Variants in ZNF804B observed in about 807,000 individuals in gnomAD.
The protein encoded by ZNF804B is zinc finger protein 804B.
ZNF804B carries 80 observed loss-of-function variants against 101.4 expected under a neutral mutation model. The ratio of observed to expected loss-of-function variants is 0.79; its 90% confidence interval spans 0.66 to 0.95. The LOEUF is 0.95. ZNF804B is among the 40% of genes least tolerant of loss of function. The pLI is 0.00. For missense variants in ZNF804B, 1,673 were observed against 1,561.9 expected, an observed-to-expected ratio of 1.07 and a Z score of -1.20; for synonymous variants, 622 against 558.8, an observed-to-expected ratio of 1.11 and a Z score of -1.59.
At chr7:88,783,850 G>A (rs982234048) in intron 1 of ZNF804B, among the ~76,000 whole-genome samples, 2 of 152,056 alleles carry the variant, frequency 1.3e-5, no homozygotes, top group Admixed American at 6.6e-5. Context: ...GGCCCCTTGG[G>A]TCATTTTGGT....
At chr7:88,814,447 AACACACACACACAC>A (rs66471769) in intron 1 of ZNF804B, among the ~76,000 whole-genome samples, 6,134 of 141,350 alleles carry the variant, frequency 0.043, 144 homozygotes, top group East Asian at 0.049. Context: ...CCTCCCTTCA[AACACACACACACAC>A]ACACACACAC....
At chr7:88,958,928 A>G (rs896625354) in intron 1 of ZNF804B, among the ~76,000 whole-genome samples, 9 of 151,506 alleles carry the variant, frequency 5.9e-5, no homozygotes, top group African/African-American at 2.2e-4. Flanking sequence ...TATAATTCCA[A>G]CTAAATCTCC....
intron 1 of ZNF804B, among the ~76,000 whole-genome samples, chr7:89,064,556 G>T (rs1789425797): frequency 6.6e-6 from 1 of 152,136 alleles, no homozygotes; most frequent in Admixed American, 6.6e-5. Context: ...TTGATGGATT[G>T]ATTGTTCCTT....
intron 1 of ZNF804B, among the ~76,000 whole-genome samples, chr7:88,920,042 C>T (rs183000643): frequency 6.6e-6 from 1 of 152,026 alleles, no homozygotes; most frequent in African/African-American, 2.4e-5. Flanking sequence ...AATTCAGGTA[C>T]AGTAAAGTAT....
At chr7:89,200,172 A>G (rs2115647047) in intron 1 of ZNF804B, among the ~76,000 whole-genome samples, 1 of 151,912 alleles carries the variant, frequency 6.6e-6, no homozygotes, top group African/African-American at 2.4e-5. Flanking sequence ...AGCTTGGATT[A>G]AAAGACTTTT....
intron 2 of ZNF804B, among the ~76,000 whole-genome samples, chr7:89,227,797 A>G (rs562709547): frequency 5.3e-5 from 8 of 152,338 alleles, no homozygotes; most frequent in Admixed American, 4.6e-4. Flanking sequence ...TAACACATTA[A>G]CAGTCTAGAA....
At chr7:89,019,425 A>G (rs996414086) in intron 1 of ZNF804B, among the ~76,000 whole-genome samples, 4 of 152,084 alleles carry the variant, frequency 2.6e-5, no homozygotes, top group African/African-American at 7.2e-5. Context: ...AGAATGTTCC[A>G]TACACTGATG....
At chr7:89,322,983 A>G (rs1030211790) in intron 2 of ZNF804B, among the ~76,000 whole-genome samples, 5 of 152,212 alleles carry the variant, frequency 3.3e-5, no homozygotes, top group African/African-American at 1.2e-4. Flanking sequence ...CTCAAACCCC[A>G]ATATAATAGT....
intron 1 of ZNF804B, among the ~76,000 whole-genome samples, chr7:88,959,883 GC>G (rs1399836822): frequency 6.6e-6 from 1 of 151,232 alleles, no homozygotes; most frequent in Non-Finnish European, 1.5e-5. Context: ...TCCTTCTATG[GC>G]CCCAGTTTAT....
At chr7:88,991,803 T>C (rs940704645) in intron 1 of ZNF804B, among the ~76,000 whole-genome samples, 2 of 152,184 alleles carry the variant, frequency 1.3e-5, no homozygotes, top group African/African-American at 4.8e-5. Context: ...CAGAGCCTTG[T>C]ACCTCAACAT....
chr7:88,831,494 A>G (rs1791132355), intron 1 of ZNF804B, among the ~76,000 whole-genome samples: 1 of 126,732 alleles, frequency 7.9e-6, no homozygotes. Context: ...CCTAAAGATA[A>G]ATTTTGAGAA....
chr7:89,074,667 A>G (rs1481235677), intron 1 of ZNF804B, among the ~76,000 whole-genome samples: 1 of 152,202 alleles, frequency 6.6e-6, no homozygotes, highest in Non-Finnish European at 1.5e-5. Flanking sequence ...TGGTACCAGT[A>G]GAGTGGGGTG....
chr7:89,231,552 A>T (rs1360424292), intron 2 of ZNF804B, among the ~76,000 whole-genome samples: 1 of 152,052 alleles, frequency 6.6e-6, no homozygotes, highest in Non-Finnish European at 1.5e-5. Context: ...TTAATCCTTA[A>T]CCATATTGAG....
intron 1 of ZNF804B, among the ~76,000 whole-genome samples, chr7:88,872,209 G>A (rs183820607): frequency 7.9e-5 from 12 of 152,122 alleles, no homozygotes; most frequent in South Asian, 2.1e-4. Flanking sequence ...GGATTCAGGC[G>A]GTTTAAGCAC....
chr7:89,020,389 C>T (rs114558228), intron 1 of ZNF804B, among the ~76,000 whole-genome samples: 197 of 151,954 alleles, frequency 1.3e-3, no homozygotes, highest in African/African-American at 4.4e-3. Flanking sequence ...TATATTATTC[C>T]GTTCTCACCT....
At chr7:89,308,365 T>C (rs1462505390) in intron 2 of ZNF804B, among the ~76,000 whole-genome samples, 1 of 152,102 alleles carries the variant, frequency 6.6e-6, no homozygotes, top group Non-Finnish European at 1.5e-5. Context: ...TCAGTGAGAA[T>C]ATTCAGGGCT....
intron 1 of ZNF804B, among the ~76,000 whole-genome samples, chr7:88,920,218 A>T (rs1413312563): frequency 6.6e-6 from 1 of 152,096 alleles, no homozygotes; most frequent in Non-Finnish European, 1.5e-5. Context: ...AGAGATTATC[A>T]TCTATGCAAT....
intron 2 of ZNF804B, among the ~76,000 whole-genome samples, chr7:89,325,325 AAC>A (rs1184028211): frequency 6.6e-6 from 1 of 151,938 alleles, no homozygotes; most frequent in African/African-American, 2.4e-5. Flanking sequence ...AAACTTCCTA[AAC>A]ACAATTAATC....
chr7:88,994,894 C>G (rs903104236), intron 1 of ZNF804B, among the ~76,000 whole-genome samples: 1 of 152,040 alleles, frequency 6.6e-6, no homozygotes, highest in Non-Finnish European at 1.5e-5. Flanking sequence ...GAGAGGAAAT[C>G]AACCATAAAA....
Sources: gnomAD v4.1 joint callset for allele counts (sites outside exome capture counted in the v4.1 genomes callset) on GRCh38, gnomAD v4.1.1 for gene constraint, MANE v1.5 for transcripts, NCBI Gene and HGNC (gene_info 2026-07-23, HGNC 2026-07-21) for gene names.